CRTAP: variants seen among roughly 807,000 people sequenced by gnomAD.
The protein encoded by CRTAP is cartilage associated protein.
A neutral mutation model predicts 42.7 loss-of-function variants in CRTAP; 33 were observed. That is an observed-to-expected ratio of 0.77 (90% CI 0.59 to 1.03). CRTAP has a LOEUF of 1.03. CRTAP is among the 50% of genes least tolerant of loss of function. The pLI is 0.00. For missense variants in CRTAP, 613 were observed against 533.9 expected (o/e 1.15, Z -1.46); for synonymous variants, 243 against 217.7 (o/e 1.12, Z -1.02).
At chr3:33,138,868 T>C (rs1559437365) in intron 6 of CRTAP, among the ~76,000 whole-genome samples, 1 of 151,782 alleles carries the variant, frequency 6.6e-6, no homozygotes, top group Non-Finnish European at 1.5e-5. Flanking sequence ...TTAGGCTGGG[T>C]GTGGTGGCTC....
At chr3:33,123,007 A>G (rs2029929727) in intron 2 of CRTAP, among the ~76,000 whole-genome samples, 1 of 151,926 alleles carries the variant, frequency 6.6e-6, no homozygotes, top group African/African-American at 2.4e-5. Context: ...CCTGTTGCCC[A>G]GGCTGCAGTG....
intron 1 of CRTAP, among the ~76,000 whole-genome samples, chr3:33,118,998 C>G (rs554049566): frequency 6.3e-4 from 96 of 152,300 alleles, no homozygotes; most frequent in African/African-American, 2.1e-3. Flanking sequence ...TTCTCCCAGG[C>G]CAGTCAGCTT....
chr3:33,114,128 G>T lies in CRTAP; in HGVS notation c.51G>T (p.Val17=). Residue 17 remains valine, a synonymous_variant, in exon 1 of 7, where the codon GTG becomes GTT. Transcript: ENST00000320954. ...GAAALLALLC[V]ACALRAGRAQ... ...CGGCGCTGCTAGCGCTGCTGTGCGTGGCCTGCGCGCTGCGCGCCGGGCGCG... is the reference window on the plus strand; with the variant it reads ...CGGCGCTGCTAGCGCTGCTGTGCGTTGCCTGCGCGCTGCGCGCCGGGCGCG... 6.4e-7 allele frequency: 1 copy of T among 1,562,160 alleles called. No homozygotes were observed. The highest frequency in any genetic ancestry group is 8.6e-7 in the Non-Finnish European group (1 of 1,164,294).
rs968103527 is a variant in CRTAP at position 33,114,030 on chromosome 3, C to G, written c.-48C>G. 1.5e-6 allele frequency: 2 copies of G among 1,360,064 alleles called. No homozygotes were observed. Among genetic ancestry groups the G allele is most frequent in the African/African-American group, 3.1e-5 (2 of 65,080 alleles). The allele number at this position is 1,360,064 out of a possible 1,614,324, so 84.2% of individuals were successfully genotyped here. A position where few individuals can be genotyped will look rare whatever the true frequency, so the allele number is the denominator to read the frequency against. ...GTCCTCTTTCCTTTCCTTCTCCCTC[C>G]CCTTTTCCCTTCCTTCGTCCCTTCC... is the stretch of plus-strand genomic sequence containing the variant. On this transcript the variant is annotated 5_prime_UTR_variant, in exon 1 of 7. Coordinates refer to ENST00000320954, the MANE Select transcript of CRTAP (RefSeq NM_006371.5).
rs2030601727 is a variant in CRTAP, at chr3:33,142,407, GA to G, written c.1167del (p.Glu389AspfsTer41). 1.2e-6 allele frequency: 2 copies of G among 1,613,962 alleles called. No individual in the cohort carries two copies. Among genetic ancestry groups the G allele is most frequent in the Non-Finnish European group, 1.7e-6 (2 of 1,179,922 alleles). On this transcript the variant is annotated frameshift_variant, in exon 7 of 7. Transcript: ENST00000320954. LOFTEE classifies it high-confidence loss of function. ...IMDDDEGEVV[E>X]YVDDLLELEE... ...TTGTCTCTTACAGGGAGAAGTTGTG[GA>G]ATATGTGGATGACCTCTTGGAACTG...
At chr3:33,128,930 A>G (rs1160581193) in intron 3 of CRTAP, among the ~76,000 whole-genome samples, 1 of 152,210 alleles carries the variant, frequency 6.6e-6, no homozygotes, top group Non-Finnish European at 1.5e-5. Context: ...ATTGGCCACG[A>G]CTAGTCATAT....
chr3:33,114,584 C>CGCCCCT, intron 1 of CRTAP, 36 bp downstream of exon 1: 1 of 1,544,618 alleles, frequency 6.5e-7, no homozygotes, highest in Non-Finnish European at 8.7e-7. Flanking sequence ...GCCCCGGCCC[C>CGCCCCT]GCCCCTGACC....
rs982911935 is a variant in CRTAP at position 33,146,422 on chromosome 3, C to T, written c.*3974C>T. 1 of 152,314 alleles carries T rather than the reference C, an allele frequency of 6.6e-6. No individual in the cohort carries two copies. The highest frequency in any genetic ancestry group is 1.5e-5 in the Non-Finnish European group (1 of 68,118). The allele number at this position is 152,314 out of a possible 1,614,324, so 9.4% of individuals were successfully genotyped here. A position where few individuals can be genotyped will look rare whatever the true frequency, so the allele number is the denominator to read the frequency against. On this transcript the variant is annotated 3_prime_UTR_variant, in exon 7 of 7. Coordinates refer to ENST00000320954, the MANE Select transcript of CRTAP (RefSeq NM_006371.5). ...CGCTGGGAAGGGTCTAAAGATACTC[C>T]TTGTGGCCACTGCTACTGTTCACAC...
At chr3:33,121,023 A>G (rs1414109461) in intron 2 of CRTAP, among the ~76,000 whole-genome samples, 1 of 152,254 alleles carries the variant, frequency 6.6e-6, no homozygotes, top group Middle Eastern at 3.4e-3. Flanking sequence ...AGAAAGAACG[A>G]TCTCGCCCTT....
intron 6 of CRTAP, among the ~76,000 whole-genome samples, chr3:33,139,920 T>C (rs1018756199): frequency 3.5e-4 from 54 of 152,384 alleles, no homozygotes; most frequent in Middle Eastern, 3.4e-3. Context: ...ATGATATAGA[T>C]AATTTTAAGA....
At chr3:33,115,849 G>T (rs1701336229) in intron 1 of CRTAP, among the ~76,000 whole-genome samples, 1 of 151,352 alleles carries the variant, frequency 6.6e-6, no homozygotes, top group African/African-American at 2.4e-5. Context: ...GAAAAGCTGG[G>T]TTACTTCTAT....
At position 33,114,133 on chromosome 3, in the gene CRTAP, G is replaced by A. The variant is rs1030701678; in HGVS notation, c.56G>A (p.Cys19Tyr). The change falls in exon 1 of 7, where the codon TGC (cysteine) becomes TAC (tyrosine). Residue 19 changes from cysteine to tyrosine, a missense_variant. By Grantham distance (194) the Cys-to-Tyr change is radical. Coordinates refer to ENST00000320954, the MANE Select transcript of CRTAP (RefSeq NM_006371.5). ...CTGCTAGCGCTGCTGTGCGTGGCCTGCGCGCTGCGCGCCGGGCGCGCCCAA... is the reference window on the plus strand; with the variant it reads ...CTGCTAGCGCTGCTGTGCGTGGCCTACGCGCTGCGCGCCGGGCGCGCCCAA... ...AALLALLCVA[C>Y]ALRAGRAQYE... 4 of 1,567,064 alleles carry A rather than the reference G, an allele frequency of 2.6e-6. No individual in the cohort carries two copies. The highest frequency in any genetic ancestry group is 2.8e-5 in the African/African-American group (2 of 71,302).
chr3:33,122,570 G>C (rs540014444), intron 2 of CRTAP, among the ~76,000 whole-genome samples: 1 of 151,900 alleles, frequency 6.6e-6, no homozygotes, highest in African/African-American at 2.4e-5. Flanking sequence ...TTAGCCAGGC[G>C]TGGTGGCAGG....
intron 1 of CRTAP, among the ~76,000 whole-genome samples, chr3:33,116,019 T>C (rs1472617676): frequency 6.6e-6 from 1 of 152,240 alleles, no homozygotes; most frequent in Non-Finnish European, 1.5e-5. Context: ...CATCATTTTT[T>C]AAGCTAAAAA....
chr3:33,127,304 G>C (rs1001500749), intron 3 of CRTAP, among the ~76,000 whole-genome samples: 6 of 151,908 alleles, frequency 3.9e-5, no homozygotes, highest in Admixed American at 2.0e-4. Context: ...CAAACTTGTA[G>C]AGAAGTCGGA....
intron 2 of CRTAP, among the ~76,000 whole-genome samples, chr3:33,123,330 G>A (rs777789670): frequency 2.0e-5 from 3 of 152,140 alleles, no homozygotes; most frequent in Non-Finnish European, 4.4e-5. Flanking sequence ...CCTGGTGGGA[G>A]GTGATTGGAT....
chr3:33,115,046 G>T (rs1701327726), intron 1 of CRTAP, among the ~76,000 whole-genome samples: 1 of 152,130 alleles, frequency 6.6e-6, no homozygotes. Context: ...TCAGGCTCAG[G>T]TGATCCTCCA....
At chr3:33,131,935 C>T (rs543140225) in intron 4 of CRTAP, among the ~76,000 whole-genome samples, 7 of 152,058 alleles carry the variant, frequency 4.6e-5, no homozygotes, top group African/African-American at 1.4e-4. Flanking sequence ...CCTCATCCTG[C>T]ACTCCCAAGA....
Position 33,147,590 on chromosome 3 carries a change from C to G in CRTAP, c.*5142C>G, listed in dbSNP as rs984316584. On this transcript the variant is annotated 3_prime_UTR_variant, in exon 7 of 7. Coordinates refer to ENST00000320954, the MANE Select transcript of CRTAP (RefSeq NM_006371.5). Reference sequence around the variant, plus strand: ...CAAGATAGATTCCAGAGTTTTATCTCCCACTTTAGGGTGGCAGCCAGTAGG... The same window carrying G: ...CAAGATAGATTCCAGAGTTTTATCTGCCACTTTAGGGTGGCAGCCAGTAGG... 2 of 152,236 alleles carry G rather than the reference C, an allele frequency of 1.3e-5. No homozygotes were observed. The highest frequency in any genetic ancestry group is 2.4e-5 in the African/African-American group (1 of 41,462). The allele number at this position is 152,236 out of a possible 1,614,324, so 9.4% of individuals were successfully genotyped here. A position where few individuals can be genotyped will look rare whatever the true frequency, so the allele number is the denominator to read the frequency against.
Sources: gnomAD v4.1 joint callset for allele counts (sites outside exome capture counted in the v4.1 genomes callset) on GRCh38, gnomAD v4.1.1 for gene constraint, MANE v1.5 for transcripts, NCBI Gene and HGNC (gene_info 2026-07-23, HGNC 2026-07-21) for gene names.